TYW1: variants seen among roughly 807,000 people sequenced by gnomAD.
The protein encoded by TYW1 is tRNA-yW synthesizing protein 1 homolog, also known as S-adenosyl-L-methionine-dependent tRNA 4-demethylwyosine synthase TYW1.
In TYW1, 46 loss-of-function variants were observed where a neutral mutation model predicts 96.2. The observed-to-expected ratio is 0.48, with a 90% CI of 0.38 to 0.61. TYW1 has a LOEUF of 0.61. Among genes scored for constraint, TYW1 ranks in the 20% least tolerant of loss-of-function variants. The probability of loss-of-function intolerance (pLI) is 0.00; values close to 1 mark genes in which losing one functional copy is unlikely to be tolerated. For synonymous variants in TYW1, 274 were observed against 323.0 expected (o/e 0.85, Z 1.63); for missense variants, 684 against 909.6 (o/e 0.75, Z 3.19).
intron 13 of TYW1, among the ~76,000 whole-genome samples, chr7:67,163,818 G>A (rs189724327): frequency 2.0e-5 from 3 of 152,000 alleles, no homozygotes; most frequent in East Asian, 3.9e-4. Flanking sequence ...ACAGGCATGC[G>A]CTACCACGTC....
intron 7 of TYW1, among the ~76,000 whole-genome samples, chr7:67,029,434 A>ATATATATATATAT (rs1251271240): frequency 1.7e-5 from 1 of 60,440 alleles, no homozygotes; most frequent in Non-Finnish European, 3.4e-5. Flanking sequence ...TATATATATA[A>ATATATATATATAT]ATAGTATTTT....
intron 14 of TYW1, among the ~76,000 whole-genome samples, chr7:67,184,958 T>C (rs1335673711): frequency 6.6e-6 from 1 of 151,918 alleles, no homozygotes; most frequent in Admixed American, 6.6e-5. Context: ...TCCACCCACC[T>C]CAGCCTCCCA....
rs1554383811 is a variant in TYW1, at chr7:67,172,430, C to CT, written c.1699-10688dup. Among the ~76,000 whole-genome samples the CT allele has an allele frequency of 1.4e-5, 2 of 143,982 alleles. 1 individual carries two copies. The highest frequency in any genetic ancestry group is 3.1e-5 in the Non-Finnish European group (2 of 65,518). 94.5% of individuals were successfully genotyped at this position (143,982 alleles called of 152,430 possible). On this transcript the variant is annotated intron_variant, in intron 13 of 15. Coordinates refer to ENST00000359626, the MANE Select transcript of TYW1 (RefSeq NM_018264.4). ...TTGAACCCCACATGACCTTACCATT[C>CT]TTTTTTTTGAGATGGAGTCTCACTC...
At chr7:67,016,617 C>T (rs796648108) in intron 5 of TYW1, among the ~76,000 whole-genome samples, 21 of 152,212 alleles carry the variant, frequency 1.4e-4, no homozygotes, top group African/African-American at 4.6e-4. Flanking sequence ...GATTTTGCTC[C>T]ATATTTTCAT....
intron 13 of TYW1, among the ~76,000 whole-genome samples, chr7:67,149,752 ATCTATCTATCTATCTATCTATCTC>A (rs1338946015): frequency 1.2e-5 from 1 of 84,696 alleles, no homozygotes; most frequent in East Asian, 2.2e-4. Flanking sequence ...CTATCTATCT[ATCTATCTATCTATCTATCTATCTC>A]TCTATGTTAA....
intron 12 of TYW1, among the ~76,000 whole-genome samples, chr7:67,105,031 C>T (rs368240281): frequency 2.6e-5 from 4 of 152,262 alleles, no homozygotes; most frequent in African/African-American, 9.6e-5. Flanking sequence ...TCTCATCCCC[C>T]AGCAGCTATG....
At chr7:67,218,520 A>G (rs1376610513) in intron 15 of TYW1, among the ~76,000 whole-genome samples, 7 of 151,858 alleles carry the variant, frequency 4.6e-5, no homozygotes, top group Admixed American at 2.6e-4. Context: ...CAACTGGCTA[A>G]TTTTTGTATT....
At chr7:67,068,030 T>TC (rs1312680473) in intron 10 of TYW1, among the ~76,000 whole-genome samples, 2 of 151,604 alleles carry the variant, frequency 1.3e-5, no homozygotes, top group Non-Finnish European at 2.9e-5. Flanking sequence ...TTTTCTTTTT[T>TC]TTTTTTTTGA....
In TYW1 at chr7:67,051,399, C is replaced by T. The variant is rs551200328; in HGVS notation, c.1102+1333C>T. The stretch of plus-strand genomic sequence containing the variant: ...CATGGCTCACTGTAGCCTTGAACTC[C>T]TGGGCTCAAGGAATCCTCCTGCCTC... On this transcript the variant is annotated intron_variant, in intron 8 of 15. Coordinates refer to ENST00000359626, the MANE Select transcript of TYW1 (RefSeq NM_018264.4). 9.2e-5 allele frequency among the ~76,000 whole-genome samples: 14 copies of T among 152,270 alleles called. No homozygotes were observed. The South Asian group carries it at 2.9e-3, about 32-fold the overall frequency.
In TYW1 at chr7:67,055,889, TA is replaced by T; in HGVS notation, c.1155+3del. On this transcript the variant is annotated splice_donor_region_variant and intron_variant, in intron 9 of 15. Transcript: ENST00000359626. ...GTGAAGCTTTGCAGGTGGACAAAGG[TA>T]TTTTTTTTGTTTTTATTCAATATGT... 1.9e-6 allele frequency: 3 copies of T among 1,612,372 alleles called. No individual in the cohort carries two copies. The highest frequency in any genetic ancestry group is 4.5e-5 in the East Asian group (2 of 44,870).
Position 67,104,870 on chromosome 7 carries a change from C to T in TYW1, c.1562+6152C>T, listed in dbSNP as rs1797189592. Among the ~76,000 whole-genome samples, 3 of 152,232 alleles carry T rather than the reference C, an allele frequency of 2.0e-5. No homozygotes were observed. The South Asian group carries it at 6.2e-4, about 31-fold the overall frequency. ...ATATATTTTAATATGTGTCAGTTCT[C>T]TTTTGCTGCAACCACCCACCTCAAA... is the stretch of plus-strand genomic sequence containing the variant. On this transcript the variant is annotated intron_variant, in intron 12 of 15. Transcript: ENST00000359626.
intron 5 of TYW1, among the ~76,000 whole-genome samples, chr7:67,015,340 A>C (rs909714536): frequency 2.0e-4 from 31 of 152,084 alleles, no homozygotes; most frequent in African/African-American, 7.5e-4. Flanking sequence ...TCTTAAAAAA[A>C]ATTTTTTTTT....
At chr7:67,198,631 G>C (rs1203641255) in intron 15 of TYW1, among the ~76,000 whole-genome samples, 1 of 151,956 alleles carries the variant, frequency 6.6e-6, no homozygotes, top group Non-Finnish European at 1.5e-5. Flanking sequence ...GGCACATACA[G>C]CCTCTGTCAG....
At chr7:67,010,601 G>A (rs1318940316) in intron 4 of TYW1, among the ~76,000 whole-genome samples, 1 of 151,290 alleles carries the variant, frequency 6.6e-6, no homozygotes, top group African/African-American at 2.4e-5. Context: ...TCAGCCTCCC[G>A]AGTAGGTGGG....
chr7:67,045,231 G>A (rs1291306620), intron 7 of TYW1, among the ~76,000 whole-genome samples: 1 of 151,774 alleles, frequency 6.6e-6, no homozygotes, highest in African/African-American at 2.4e-5. Context: ...TATTTTTAGA[G>A]ACAGGGTCTT....
chr7:67,162,763 TC>T (rs1299324317), intron 13 of TYW1, among the ~76,000 whole-genome samples: 1 of 152,236 alleles, frequency 6.6e-6, no homozygotes, highest in Non-Finnish European at 1.5e-5. Context: ...TGAGATGACA[TC>T]CTGGTTTAGG....
At chr7:67,181,990 G>C in intron 13 of TYW1, among the ~76,000 whole-genome samples, 1 of 152,060 alleles carries the variant, frequency 6.6e-6, no homozygotes. Context: ...CGCCACGCCT[G>C]GCTCATTTTT....
chr7:67,072,004 C>G (rs62466658), intron 10 of TYW1, among the ~76,000 whole-genome samples: 5,906 of 142,820 alleles, frequency 0.041, 171 homozygotes, highest in Middle Eastern at 0.1. Context: ...GCCTAAAGAT[C>G]GGGCAGAGGT....
At chr7:67,008,952 G>C (rs1793695091) in intron 3 of TYW1, among the ~76,000 whole-genome samples, 1 of 152,110 alleles carries the variant, frequency 6.6e-6, no homozygotes, top group Non-Finnish European at 1.5e-5. Context: ...GTGAGCCACT[G>C]TGCCCAGCCC....
Sources: allele counts gnomAD v4.1 joint callset (sites outside exome capture counted in the v4.1 genomes callset), GRCh38; gene constraint gnomAD v4.1.1; transcripts MANE v1.5; gene names NCBI Gene and HGNC (gene_info 2026-07-23, HGNC 2026-07-21).